Variants in ZDHHC1 observed in about 807,000 individuals in gnomAD.
The protein encoded by ZDHHC1 is zDHHC palmitoyltransferase 1, also known as palmitoyltransferase ZDHHC1.
A neutral mutation model predicts 46.9 loss-of-function variants in ZDHHC1; 45 were observed. The observed-to-expected ratio is 0.96, with a 90% confidence interval of 0.76 to 1.23. The LOEUF (loss-of-function observed/expected upper bound fraction) is 1.23, where lower values mean the gene tolerates loss of function less well. Among genes scored for constraint, ZDHHC1 ranks in the 50% most tolerant of loss-of-function variants. The probability of loss-of-function intolerance (pLI) is 0.00; values close to 1 mark genes in which losing one functional copy is unlikely to be tolerated. For synonymous variants in ZDHHC1, 291 were observed against 286.0 expected (o/e 1.02, Z -0.18); for missense variants, 649 against 670.8 (o/e 0.97, Z 0.36).
intron 8 of ZDHHC1, among the ~76,000 whole-genome samples, chr16:67,396,545 C>G (rs991587024): frequency 6.6e-6 from 1 of 152,098 alleles, no homozygotes; most frequent in Non-Finnish European, 1.5e-5. Flanking sequence ...AGAGAGGGGC[C>G]CCTCCCGCAT....
At chr16:67,404,582 C>G (rs983285862) in intron 3 of ZDHHC1, 6 of 428,184 alleles carry the variant, frequency 1.4e-5, no homozygotes, top group African/African-American at 1.0e-4. Flanking sequence ...TCAAAGCAGA[C>G]GAACCCTGAA....
intron 1 of ZDHHC1, among the ~76,000 whole-genome samples, chr16:67,412,453 CCAGA>C (rs2040762716): frequency 1.4e-5 from 2 of 144,308 alleles, no homozygotes; most frequent in Admixed American, 6.6e-5. Flanking sequence ...TGTTATCATG[CCAGA>C]CAAAGAATTC....
At position 67,398,667 on chromosome 16, in the gene ZDHHC1, G is replaced by C; in HGVS notation, c.720C>G (p.Ala240=). 4 of 1,608,062 alleles carry C rather than the reference G, an allele frequency of 2.5e-6. No homozygotes were observed. The highest frequency in any genetic ancestry group is 3.4e-6 in the Non-Finnish European group (4 of 1,178,082). The change falls in exon 7 of 12, where the codon GCC becomes GCG. Residue 240 remains alanine (A), a synonymous_variant. Transcript: ENST00000565726. Reference sequence around the variant, plus strand: ...GGGCGGCCAGGGCCAGGATGGCAGGGGCCTGGGTCTCCACGGGGGCGGCAG... The same window carrying C: ...GGGCGGCCAGGGCCAGGATGGCAGGCGCCTGGGTCTCCACGGGGGCGGCAG... ...FLPAAPVETQ[A]PAILALAALL...
At chr16:67,404,586 C>A in intron 3 of ZDHHC1, 7 of 432,626 alleles carry the variant, frequency 1.6e-5, no homozygotes, top group South Asian at 9.7e-5. Flanking sequence ...AGCAGACGAA[C>A]CCTGAATGCG....
intron 8 of ZDHHC1, among the ~76,000 whole-genome samples, chr16:67,397,441 C>T (rs894355092): frequency 6.6e-6 from 1 of 152,208 alleles, no homozygotes; most frequent in Non-Finnish European, 1.5e-5. Flanking sequence ...TCCTGGCAGC[C>T]TGGCCCACAA....
intron 3 of ZDHHC1, among the ~76,000 whole-genome samples, chr16:67,402,772 G>A (rs1002911020): frequency 6.6e-6 from 1 of 152,114 alleles, no homozygotes; most frequent in Non-Finnish European, 1.5e-5. Flanking sequence ...GACTACAGGT[G>A]TTCGCCACCA....
intron 3 of ZDHHC1, chr16:67,404,082 G>A (rs1022453374): frequency 6.6e-6 from 1 of 152,616 alleles, no homozygotes; most frequent in Admixed American, 6.5e-5. Flanking sequence ...AGGGAAGAGA[G>A]GCAGTTGGCA....
At chr16:67,408,652 A>G (rs1308220977) in intron 1 of ZDHHC1, among the ~76,000 whole-genome samples, 1 of 148,388 alleles carries the variant, frequency 6.7e-6, no homozygotes, top group African/African-American at 2.5e-5. Context: ...ATGCCTAGCT[A>G]TTTATTTTTT....
chr16:67,397,980 C>T (rs556302595), intron 8 of ZDHHC1, among the ~76,000 whole-genome samples: 2 of 152,334 alleles, frequency 1.3e-5, no homozygotes, highest in South Asian at 2.1e-4. Flanking sequence ...TGCCCTCCCG[C>T]GCATGCTTGG....
intron 1 of ZDHHC1, among the ~76,000 whole-genome samples, chr16:67,413,433 G>A (rs934671222): frequency 6.6e-6 from 1 of 152,134 alleles, no homozygotes; most frequent in African/African-American, 2.4e-5. Flanking sequence ...GATTCTTTAG[G>A]GACAAGTACT....
intron 6 of ZDHHC1, 36 bp downstream of exon 6, chr16:67,398,784 G>A (rs1157677567): frequency 6.2e-7 from 1 of 1,612,528 alleles, no homozygotes; most frequent in Non-Finnish European, 8.5e-7. Context: ...GGTGACCAGG[G>A]TTGGGGGTGA....
At chr16:67,412,390 T>G (rs2040761368) in intron 1 of ZDHHC1, among the ~76,000 whole-genome samples, 1 of 152,150 alleles carries the variant, frequency 6.6e-6, no homozygotes, top group Non-Finnish European at 1.5e-5. Flanking sequence ...CCTGCCTTCC[T>G]GGCCCCACTG....
chr16:67,410,959 C>A (rs911933215), intron 1 of ZDHHC1, among the ~76,000 whole-genome samples: 1 of 152,248 alleles, frequency 6.6e-6, no homozygotes, highest in East Asian at 1.9e-4. Context: ...TGAGCCACCA[C>A]GCCCTGCCTG....
Position 67,398,305 on chromosome 16 carries a change from G to A in ZDHHC1, c.834C>T (p.Thr278=). Reference sequence around the variant, plus strand: ...GGCGGTGCTGCACGATGTACTCATAGGTGGTGAGCTTGTGCCACACTGGTG... The same window carrying A: ...GGCGGTGCTGCACGATGTACTCATAAGTGGTGAGCTTGTGCCACACTGGTG... ...HIYLMWHKLT[T]YEYIVQHRPP... Residue 278 remains threonine, a synonymous_variant, in exon 8 of 12, where the codon ACC becomes ACT. Transcript: ENST00000565726. The A allele has an allele frequency of 6.2e-7, 1 of 1,613,840 alleles. No homozygotes were observed. Among genetic ancestry groups the A allele is most frequent in the Non-Finnish European group, 8.5e-7 (1 of 1,179,862 alleles).
At chr16:67,399,255 A>T (rs918018821) in intron 5 of ZDHHC1, 100 bp downstream of exon 5, 6 of 1,113,804 alleles carry the variant, frequency 5.4e-6, no homozygotes. Flanking sequence ...TCCTCGAAGC[A>T]TCCCCATCCC....
At chr16:67,395,633 G>T in intron 8 of ZDHHC1, 67 bp from the exon 9 acceptor site, 1 of 1,466,686 alleles carries the variant, frequency 6.8e-7, no homozygotes, top group Non-Finnish European at 9.3e-7. Context: ...TGAGCCCTAA[G>T]CCCACGCAGT....
At chr16:67,413,121 C>G (rs1410099849) in intron 1 of ZDHHC1, among the ~76,000 whole-genome samples, 1 of 148,888 alleles carries the variant, frequency 6.7e-6, no homozygotes, top group Non-Finnish European at 1.5e-5. Context: ...GCTTTGTTGC[C>G]TAAGCTGGAG....
intron 1 of ZDHHC1, among the ~76,000 whole-genome samples, chr16:67,415,173 T>C (rs557779686): frequency 3.9e-5 from 6 of 151,982 alleles, no homozygotes; most frequent in African/African-American, 1.2e-4. Context: ...TAAAAAACTC[T>C]TCTGCCGCTT....
intron 8 of ZDHHC1, 108 bp from the exon 9 acceptor site, chr16:67,395,674 C>G (rs1193472898): frequency 1.0e-5 from 11 of 1,090,934 alleles, no homozygotes; most frequent in Non-Finnish European, 1.5e-5. Flanking sequence ...TGGGATATCT[C>G]AGGCCTCATG....
Sources: gnomAD v4.1 joint callset for allele counts (sites outside exome capture counted in the v4.1 genomes callset) on GRCh38, gnomAD v4.1.1 for gene constraint, MANE v1.5 for transcripts, NCBI Gene and HGNC (gene_info 2026-07-23, HGNC 2026-07-21) for gene names.